DIP2C: variants seen among roughly 807,000 people sequenced by gnomAD.
DIP2C encodes the protein DIP2 acetate--CoA ligase C (putative).
Under a neutral mutation model 192.4 loss-of-function variants are expected in DIP2C, and 33 were observed. The ratio of observed to expected loss-of-function variants is 0.17; its 90% CI spans 0.13 to 0.23. The LOEUF is 0.23. Among genes scored for constraint, DIP2C ranks in the 10% least tolerant of loss-of-function variants. The pLI is 1.00. For synonymous variants in DIP2C, 979 were observed against 864.1 expected (o/e 1.13, Z -2.33); for missense variants, 1,537 against 2,110.1 (o/e 0.73, Z 5.32).
intron 1 of DIP2C, chr10:650,839 C>T: frequency 1.4e-6 from 1 of 714,986 alleles, no homozygotes; most frequent in South Asian, 1.5e-5. Flanking sequence ...CTGCCTCAGC[C>T]CCCACTTGTG....
intron 5 of DIP2C, among the ~76,000 whole-genome samples, chr10:419,758 C>A (rs1386936003): frequency 6.6e-6 from 1 of 152,112 alleles, no homozygotes; most frequent in Non-Finnish European, 1.5e-5. Context: ...ACATCAAGAA[C>A]TATTATTTTA....
chr10:485,134 GA>G (rs1372350862), intron 2 of DIP2C, among the ~76,000 whole-genome samples: 1 of 152,266 alleles, frequency 6.6e-6, no homozygotes, highest in Non-Finnish European at 1.5e-5. Flanking sequence ...GTGCGCTGGA[GA>G]ACCGTCCTGG....
intron 8 of DIP2C, among the ~76,000 whole-genome samples, 167 bp from the exon 9 acceptor site, chr10:409,184 T>C (rs1416673675): frequency 6.6e-6 from 1 of 151,754 alleles, no homozygotes; most frequent in Non-Finnish European, 1.5e-5. Flanking sequence ...TAGGCAAGAA[T>C]GGAAAATGAG....
intron 3 of DIP2C, among the ~76,000 whole-genome samples, chr10:471,155 G>A (rs1299737536): frequency 6.6e-6 from 1 of 152,158 alleles, no homozygotes; most frequent in East Asian, 1.9e-4. Flanking sequence ...ACATTTTCCT[G>A]GGTCACAGCC....
intron 14 of DIP2C, 105 bp downstream of exon 14, chr10:387,640 T>C (rs539685656): frequency 1.1e-6 from 1 of 897,038 alleles, no homozygotes; most frequent in Admixed American, 1.8e-5. Flanking sequence ...GGGAGGGGAC[T>C]CCTGTGTGGA....
intron 1 of DIP2C, among the ~76,000 whole-genome samples, chr10:560,301 C>CA (rs1849134260): frequency 6.6e-6 from 1 of 151,942 alleles, no homozygotes; most frequent in South Asian, 2.1e-4. Context: ...AGAATGAGGC[C>CA]ATGTGAACAC....
rs187646933 is a variant in DIP2C, at chr10:637,666, G to C, written c.85+51828C>G. 2.1e-3 allele frequency among the ~76,000 whole-genome samples: 321 copies of C among 152,344 alleles called. 1 individual carries two copies. Among genetic ancestry groups the C allele is most frequent in the Middle Eastern group, 6.8e-3 (2 of 294 alleles). On this transcript the variant is annotated intron_variant, in intron 1 of 36. Transcript: ENST00000280886. ...GGATTCCAATTGTGAATCTTGGGGA[G>C]ACACAAACATTACAAAAGCCCATCA...
At chr10:309,266 G>A (rs943217722) in intron 32 of DIP2C, among the ~76,000 whole-genome samples, 1 of 151,814 alleles carries the variant, frequency 6.6e-6, no homozygotes, top group African/African-American at 2.4e-5. Flanking sequence ...CCTGCTTTCT[G>A]GAGTCCTCAC....
At chr10:572,612 T>G (rs1849894598) in intron 1 of DIP2C, among the ~76,000 whole-genome samples, 1 of 152,250 alleles carries the variant, frequency 6.6e-6, no homozygotes, top group South Asian at 2.1e-4. Context: ...ATGTACACTG[T>G]AAGCACTCAC....
rs184266527 is a variant in DIP2C at position 580,944 on chromosome 10, C to T, written c.86-94414G>A. Among the ~76,000 whole-genome samples, 713 of 152,256 alleles carry T rather than the reference C, an allele frequency of 4.7e-3. 6 individuals are homozygous for T. The highest frequency in any genetic ancestry group is 0.016 in the African/African-American group (682 of 41,542). On this transcript the variant is annotated intron_variant, in intron 1 of 36. Coordinates refer to ENST00000280886, the MANE Select transcript of DIP2C (RefSeq NM_014974.3). The stretch of plus-strand genomic sequence containing the variant: ...CTCCTTAAAAAATTAGAAGTGTGTC[C>T]TCATGTTTTGGCGTTTGAGACAAAG...
chr10:495,529 G>A (rs1844764431), intron 1 of DIP2C, among the ~76,000 whole-genome samples: 1 of 151,474 alleles, frequency 6.6e-6, no homozygotes, highest in Admixed American at 6.6e-5. Context: ...GTTGGTTTGT[G>A]TGGAAAAAAT....
At chr10:614,569 C>G (rs1313341967) in intron 1 of DIP2C, among the ~76,000 whole-genome samples, 1 of 152,234 alleles carries the variant, frequency 6.6e-6, no homozygotes, top group Non-Finnish European at 1.5e-5. Context: ...GCCTGCTGAA[C>G]TGGAAACGTC....
intron 3 of DIP2C, among the ~76,000 whole-genome samples, chr10:444,790 G>A (rs1274051948): frequency 6.6e-6 from 1 of 152,218 alleles, no homozygotes; most frequent in Non-Finnish European, 1.5e-5. Context: ...TGGGAACTAG[G>A]ACAATGTATG....
chr10:544,386 G>T (rs1848170061), intron 1 of DIP2C, among the ~76,000 whole-genome samples: 1 of 152,258 alleles, frequency 6.6e-6, no homozygotes, highest in Non-Finnish European at 1.5e-5. Context: ...GAATAATGCT[G>T]CTATGAAGAT....
At chr10:602,727 C>T (rs186115288) in intron 1 of DIP2C, among the ~76,000 whole-genome samples, 6 of 152,306 alleles carry the variant, frequency 3.9e-5, no homozygotes, top group South Asian at 4.2e-4. Context: ...AGAGGCCTCC[C>T]GTGAGCCACC....
In DIP2C at chr10:362,965, C is replaced by T. The variant is rs1430997051; in HGVS notation, c.2592+232G>A. On this transcript the variant is annotated intron_variant, in intron 21 of 36. Coordinates refer to ENST00000280886, the MANE Select transcript of DIP2C (RefSeq NM_014974.3). ...TCAAGATCAAACAAAAAGCTTACTTCGACCTCCCCAAGGTGTCCGGTAGGA... is the reference window on the plus strand; with the variant it reads ...TCAAGATCAAACAAAAAGCTTACTTTGACCTCCCCAAGGTGTCCGGTAGGA... Among the ~76,000 whole-genome samples the T allele has an allele frequency of 6.6e-6, 1 of 152,174 alleles. No homozygotes were observed. Among genetic ancestry groups the T allele is most frequent in the Non-Finnish European group, 1.5e-5 (1 of 68,038 alleles).
chr10:284,642 G>A (rs1405367043), intron 34 of DIP2C, among the ~76,000 whole-genome samples: 3 of 152,154 alleles, frequency 2.0e-5, no homozygotes, highest in African/African-American at 7.2e-5. Context: ...CAGTTAGAGG[G>A]CAAACAGGTT....
In DIP2C at chr10:463,823, C is replaced by T. The variant is rs558747975; in HGVS notation, c.268+8616G>A. ...TAGACCAAGGGAACAGAACAGAGGC[C>T]TCAGAAAAGAACACCACACATCTAC... is the stretch of plus-strand genomic sequence containing the variant. On this transcript the variant is annotated intron_variant, in intron 3 of 36. Transcript: ENST00000280886. Among the ~76,000 whole-genome samples, 3 of 152,188 alleles carry T rather than the reference C, an allele frequency of 2.0e-5. No homozygotes were observed. In the East Asian group the frequency reaches 5.8e-4, roughly 29 times the overall value.
intron 13 of DIP2C, 46 bp downstream of exon 13, chr10:389,945 C>T: frequency 1.3e-6 from 2 of 1,508,284 alleles, no homozygotes; most frequent in East Asian, 2.3e-5. Flanking sequence ...TGTCAGGTGT[C>T]CCGGTTAGAA....
Sources: gnomAD v4.1 joint callset for allele counts (sites outside exome capture counted in the v4.1 genomes callset) on GRCh38, gnomAD v4.1.1 for gene constraint, MANE v1.5 for transcripts, NCBI Gene and HGNC (gene_info 2026-07-23, HGNC 2026-07-21) for gene names.